The following SSPN variants were observed in gnomAD, a reference collection of about 807,000 sequenced individuals.
SSPN encodes the protein K-ras oncogene-associated protein.
SSPN carries 15 observed loss-of-function variants against 19.1 expected under a neutral mutation model. That is an observed-to-expected ratio of 0.78 (90% CI 0.52 to 1.21). SSPN has a LOEUF of 1.21. SSPN is among the 50% of genes most tolerant of loss of function. The probability of loss-of-function intolerance (pLI) is 0.00; values close to 1 mark genes in which losing one functional copy is unlikely to be tolerated. For missense variants in SSPN, 291 were observed against 314.0 expected, an observed-to-expected ratio of 0.93 and a Z score of 0.55; for synonymous variants, 147 against 140.3, an observed-to-expected ratio of 1.05 and a Z score of -0.34.
intron 1 of SSPN, among the ~76,000 whole-genome samples, chr12:26,221,637 C>T (rs1289870310): frequency 6.6e-6 from 1 of 152,196 alleles, no homozygotes; most frequent in Non-Finnish European, 1.5e-5. Flanking sequence ...TTCAAGTAGA[C>T]GCACTGAATC....
chr12:26,207,408 G>C (rs1944940512), intron 1 of SSPN, among the ~76,000 whole-genome samples: 1 of 151,884 alleles, frequency 6.6e-6, no homozygotes. Flanking sequence ...TATTTTTTAA[G>C]AAAGGAAACA....
intron 1 of SSPN, among the ~76,000 whole-genome samples, chr12:26,126,924 G>A (rs1034088547): frequency 6.6e-6 from 1 of 152,102 alleles, no homozygotes; most frequent in South Asian, 2.1e-4. Flanking sequence ...ATCTCGGTCC[G>A]ACCTCTCTCC....
chr12:26,216,250 G>T (rs905388620), intron 1 of SSPN, among the ~76,000 whole-genome samples: 3 of 152,146 alleles, frequency 2.0e-5, no homozygotes, highest in African/African-American at 7.2e-5. Flanking sequence ...TTAGCCTAGT[G>T]GTTCTCAAAA....
intron 2 of SSPN, among the ~76,000 whole-genome samples, chr12:26,226,874 C>A (rs1307511604): frequency 6.6e-6 from 1 of 152,080 alleles, no homozygotes; most frequent in Non-Finnish European, 1.5e-5. Flanking sequence ...TAAATTGGAG[C>A]AGAAACACCC....
At position 26,131,451 on chromosome 12, in the gene SSPN, G is replaced by A. The variant is rs189835633; in HGVS notation, c.-31+9299G>A. Among the ~76,000 whole-genome samples the A allele has an allele frequency of 2.6e-5, 4 of 152,348 alleles. No homozygotes were observed. The East Asian group carries it at 7.7e-4, about 29-fold the overall frequency. On this transcript the variant is annotated intron_variant, in intron 1 of 2. Transcript: ENST00000538142. ...CTGTGCCTTCTGCCTCTGGCAGTTG[G>A]CTTGAAGAGAGCAGCTTCCAGGAGA...
At position 26,177,695 on chromosome 12, in the gene SSPN, A is replaced by T. The variant is rs187932230; in HGVS notation, c.-30-46598A>T. On this transcript the variant is annotated intron_variant, in intron 1 of 2. Coordinates refer to the SSPN transcript ENST00000538142. ...AGGAACAGAAATCCTAGAAACTGGGAACTAGAAAAATCAGCAGCTGGAGCT... is the reference window on the plus strand; with the variant it reads ...AGGAACAGAAATCCTAGAAACTGGGTACTAGAAAAATCAGCAGCTGGAGCT... Among the ~76,000 whole-genome samples the T allele has an allele frequency of 1.2e-3, 190 of 152,292 alleles. 4 individuals carry two copies. The highest frequency in any genetic ancestry group is 4.4e-3 in the African/African-American group (182 of 41,556).
chr12:26,202,908 G>A (rs559950321), intron 1 of SSPN, among the ~76,000 whole-genome samples: 1 of 152,290 alleles, frequency 6.6e-6, no homozygotes, highest in African/African-American at 2.4e-5. Context: ...AAAGAAAGGA[G>A]GTTTAATTGA....
chr12:26,191,677 TACACACACACACACACACACACAC>T (rs10525695), upstream of SSPN, among the ~76,000 whole-genome samples: 47,742 of 149,088 alleles, frequency 0.32, 8,067 homozygotes, highest in Middle Eastern at 0.47. Context: ...TAATTTGTTC[TACACACACACACACACACACACAC>T]ACACACACAC....
intron 1 of SSPN, chr12:26,123,150 G>C (rs1179471065): frequency 6.3e-7 from 1 of 1,596,916 alleles, no homozygotes; most frequent in Admixed American, 1.7e-5. Context: ...CTGAATGGGC[G>C]ATTTCAGAGA....
intron 1 of SSPN, among the ~76,000 whole-genome samples, chr12:26,219,806 G>A (rs556646635): frequency 1.3e-5 from 2 of 152,274 alleles, no homozygotes; most frequent in African/African-American, 4.8e-5. Context: ...AGCCTTCCCA[G>A]TGCCACACAC....
upstream of SSPN, among the ~76,000 whole-genome samples, chr12:26,191,933 A>T (rs12822290): frequency 0.065 from 9,892 of 152,222 alleles, 428 homozygotes; most frequent in South Asian, 0.096. Flanking sequence ...AAATGTAATA[A>T]TTTTTTTCTG....
Position 26,230,878 on chromosome 12 carries a change from C to A in SSPN, c.534C>A (p.Tyr178Ter), listed in dbSNP as rs117506538. ...SSEPLSRTFV[Y>*]RDVTDCTSVT... is the part of the protein sequence containing the mutation. ...AGCCGCTCAGCAGGACCTTTGTTTA[C>A]CGGGATGTGACGGACTGTACCAGCG... Residue 178 changes from tyrosine (Y) to a stop codon, truncating the protein, a stop_gained, in exon 3 of 3, where the codon TAC becomes TAA. Coordinates refer to ENST00000242729, the MANE Select transcript of SSPN (RefSeq NM_005086.5). LOFTEE classifies it high-confidence loss of function. 2 of 1,614,172 alleles carry A rather than the reference C, an allele frequency of 1.2e-6. No homozygotes were observed. Among genetic ancestry groups the A allele is most frequent in the Non-Finnish European group, 1.7e-6 (2 of 1,180,048 alleles).
At chr12:26,218,225 C>G (rs1457168520) in intron 1 of SSPN, among the ~76,000 whole-genome samples, 9 of 128,032 alleles carry the variant, frequency 7.0e-5, no homozygotes, top group Non-Finnish European at 1.3e-4. Context: ...GAACAAAAAA[C>G]CAAACACCGC....
chr12:26,177,984 C>T (rs1944694974), intron 1 of SSPN, among the ~76,000 whole-genome samples: 1 of 152,216 alleles, frequency 6.6e-6, no homozygotes, highest in Non-Finnish European at 1.5e-5. Flanking sequence ...CAAGTCTAAG[C>T]TCACTGACTG....
rs181656845 is a variant in SSPN, at chr12:26,232,219, G to A, written c.*1143G>A. On this transcript the variant is annotated 3_prime_UTR_variant, in exon 3 of 3. Transcript: ENST00000242729. ...TGATACATAATCCTATTATTAATTC[G>A]TATGCTTAGTCAACCTAGGAAATCA... 291 of 985,340 alleles carry A rather than the reference G, an allele frequency of 3.0e-4. 7 individuals are homozygous for A. In the Admixed American group the frequency reaches 0.015, roughly 51 times the overall value. 61.0% of individuals were successfully genotyped at this position (985,340 alleles called of 1,614,324 possible).
intron 1 of SSPN, among the ~76,000 whole-genome samples, chr12:26,178,025 T>C (rs1944695390): frequency 6.6e-6 from 1 of 152,226 alleles, no homozygotes. Flanking sequence ...GGGTTAGGTA[T>C]TCACCAGCTA....
At chr12:26,184,211 G>T (rs938731456) in intron 1 of SSPN, among the ~76,000 whole-genome samples, 8 of 152,114 alleles carry the variant, frequency 5.3e-5, no homozygotes, top group Admixed American at 3.9e-4. Context: ...TTCCTTTTTG[G>T]GATTTGCAAA....
rs555644662 is a variant in SSPN, at chr12:26,215,141, G to A, written c.280-9152G>A. Among the ~76,000 whole-genome samples, 15 of 152,222 alleles carry A rather than the reference G, an allele frequency of 9.9e-5. No homozygotes were observed. The South Asian group carries it at 1.2e-3, about 13-fold the overall frequency. On this transcript the variant is annotated intron_variant, in intron 1 of 2. Transcript: ENST00000242729. Reference sequence around the variant, plus strand: ...ACCATATCTTCTTCTTTATACTCCCGGTCCCTACCACAGTAAAGGTTGAGC... The same window carrying A: ...ACCATATCTTCTTCTTTATACTCCCAGTCCCTACCACAGTAAAGGTTGAGC...
At chr12:26,198,554 G>C (rs917319228) in intron 1 of SSPN, among the ~76,000 whole-genome samples, 3 of 152,214 alleles carry the variant, frequency 2.0e-5, no homozygotes, top group Non-Finnish European at 2.9e-5. Context: ...AGCTGCTTGG[G>C]AAGCAGTCAC....
Sources: allele counts gnomAD v4.1 joint callset (sites outside exome capture counted in the v4.1 genomes callset), GRCh38; gene constraint gnomAD v4.1.1; transcripts MANE v1.5; gene names NCBI Gene and HGNC (gene_info 2026-07-23, HGNC 2026-07-21).